The following PSD3 variants were observed in gnomAD, a reference collection of about 807,000 sequenced individuals.
PSD3 encodes the protein pleckstrin and Sec7 domain containing 3, also known as PH and SEC7 domain-containing protein 3.
In PSD3, 49 loss-of-function variants were observed where a neutral mutation model predicts 105.5. The ratio of observed to expected loss-of-function variants is 0.46; its 90% CI spans 0.37 to 0.59. The LOEUF (loss-of-function observed/expected upper bound fraction) is 0.59. Among genes scored for constraint, PSD3 ranks in the 20% least tolerant of loss-of-function variants. The probability of loss-of-function intolerance (pLI) is 0.00; values close to 1 mark genes in which losing one functional copy is unlikely to be tolerated. For missense variants in PSD3, 1,561 were observed against 1,263.8 expected, an observed-to-expected ratio of 1.24 and a Z score of -3.57; for synonymous variants, 557 against 457.8, an observed-to-expected ratio of 1.22 and a Z score of -2.77.
At chr8:18,661,730 C>T (rs146033238) in intron 9 of PSD3, among the ~76,000 whole-genome samples, 26 of 152,164 alleles carry the variant, frequency 1.7e-4, no homozygotes, top group African/African-American at 5.1e-4. Flanking sequence ...AATTGTTAAG[C>T]AGAGATGCAA....
chr8:18,938,980 A>G (rs1304522907), intron 1 of PSD3, among the ~76,000 whole-genome samples: 1 of 152,134 alleles, frequency 6.6e-6, no homozygotes, highest in Non-Finnish European at 1.5e-5. Flanking sequence ...TCAAGAGCCT[A>G]CACTGGGGCT....
intron 9 of PSD3, among the ~76,000 whole-genome samples, chr8:18,739,655 AT>A (rs1474300295): frequency 3.9e-5 from 6 of 152,346 alleles, no homozygotes; most frequent in South Asian, 2.1e-4. Flanking sequence ...TAGCAAAAAA[AT>A]AAACCACATT....
At chr8:18,575,825 C>T (rs994140801) in intron 12 of PSD3, among the ~76,000 whole-genome samples, 3 of 152,050 alleles carry the variant, frequency 2.0e-5, no homozygotes, top group Non-Finnish European at 2.9e-5. Context: ...ATAATTACTC[C>T]AGCTCTTCTG....
At chr8:18,930,253 T>C (rs1821653338) in intron 2 of PSD3, among the ~76,000 whole-genome samples, 1 of 152,040 alleles carries the variant, frequency 6.6e-6, no homozygotes, top group Admixed American at 6.6e-5. Flanking sequence ...ACAGGTGAGA[T>C]CTCAAAGGTC....
intron 9 of PSD3, among the ~76,000 whole-genome samples, chr8:18,686,031 A>G (rs1800644200): frequency 6.6e-6 from 1 of 152,128 alleles, no homozygotes; most frequent in Non-Finnish European, 1.5e-5. Flanking sequence ...TAAAAAACAA[A>G]CAAACAAACA....
Position 18,654,249 on chromosome 8 carries a change from A to G in PSD3, c.2216+1393T>C, listed in dbSNP as rs556024326. Among the ~76,000 whole-genome samples, 3 of 152,304 alleles carry G rather than the reference A, an allele frequency of 2.0e-5. No homozygotes were observed. In the East Asian group the frequency reaches 5.8e-4, roughly 29 times the overall value. On this transcript the variant is annotated intron_variant, in intron 10 of 15. Transcript: ENST00000327040. ...CAATTCAAGTGGTGCTGATACTTCAAAAATAAATTCCTGCACATTATATGT... is the reference window on the plus strand; with the variant it reads ...CAATTCAAGTGGTGCTGATACTTCAGAAATAAATTCCTGCACATTATATGT...
chr8:18,613,033 T>A (rs1048912787), intron 11 of PSD3, among the ~76,000 whole-genome samples: 2 of 151,320 alleles, frequency 1.3e-5, no homozygotes, highest in Admixed American at 6.6e-5. Context: ...CACAAGAGCA[T>A]GCATCATTAG....
chr8:18,577,222 A>G (rs560924663), intron 12 of PSD3, among the ~76,000 whole-genome samples: 70 of 152,128 alleles, frequency 4.6e-4, no homozygotes, highest in African/African-American at 1.6e-3. Context: ...TTTTAGTTAT[A>G]TATTATTAGA....
intron 12 of PSD3, among the ~76,000 whole-genome samples, chr8:18,576,711 T>C (rs1209490408): frequency 1.3e-5 from 2 of 152,072 alleles, no homozygotes; most frequent in Admixed American, 6.6e-5. Context: ...CTCCACGCAG[T>C]GTAACTTAGA....
At chr8:18,873,962 A>G (rs567381262) in intron 2 of PSD3, among the ~76,000 whole-genome samples, 96 of 152,320 alleles carry the variant, frequency 6.3e-4, no homozygotes, top group Non-Finnish European at 1.3e-3. Flanking sequence ...AAATGGGGAC[A>G]TTCTGACAAA....
chr8:18,804,875 C>G lies in PSD3; in HGVS notation c.1658G>C (p.Arg553Pro), dbSNP rs373536749. The G allele has an allele frequency of 5.6e-5, 91 of 1,611,690 alleles. No individual in the cohort carries two copies. Among genetic ancestry groups the G allele is most frequent in the Non-Finnish European group, 7.4e-5 (87 of 1,178,358 alleles). The change falls in exon 5 of 16, where the codon CGG becomes CCG. Residue 553 changes from arginine (R) to proline (P), a missense_variant. Arg to Pro is a moderately radical substitution (Grantham distance 103). Coordinates refer to ENST00000327040, the MANE Select transcript of PSD3 (RefSeq NM_015310.4). ...WGSNAGVKTTRLEAHSEMGST... is the reference protein window; with the variant it reads ...WGSNAGVKTTPLEAHSEMGST... The stretch of plus-strand genomic sequence containing the variant: ...CCCCATTTCAGAATGAGCTTCTAGC[C>G]GTGTTGTTTTCACCCCAGCATTGCT...
chr8:18,816,850 T>C (rs1310867622), intron 4 of PSD3, among the ~76,000 whole-genome samples: 1 of 94,468 alleles, frequency 1.1e-5, no homozygotes, highest in Non-Finnish European at 2.4e-5. Flanking sequence ...GAGTTTACAC[T>C]CAGACAGTGA....
intron 9 of PSD3, chr8:18,763,162 C>T (rs1196862377): frequency 2.4e-6 from 1 of 410,472 alleles, no homozygotes; most frequent in Non-Finnish European, 4.9e-6. Context: ...ACTTTTGAAC[C>T]AAATTAATCT....
chr8:18,901,490 T>C (rs1487514513), intron 2 of PSD3, among the ~76,000 whole-genome samples: 1 of 152,220 alleles, frequency 6.6e-6, no homozygotes, highest in Non-Finnish European at 1.5e-5. Flanking sequence ...AAGTTGTTTG[T>C]ATATCCTTTG....
At chr8:18,837,278 G>T (rs1253114694) in intron 4 of PSD3, among the ~76,000 whole-genome samples, 1 of 152,122 alleles carries the variant, frequency 6.6e-6, no homozygotes, top group Non-Finnish European at 1.5e-5. Flanking sequence ...TGTAGACCAG[G>T]GGCCAGCTCT....
In PSD3 at chr8:18,527,734, C is replaced by T. The variant is rs1265320489; in HGVS notation, c.*8009G>A. 8 of 152,560 alleles carry T rather than the reference C, an allele frequency of 5.2e-5. No homozygotes were observed. The highest frequency in any genetic ancestry group is 1.2e-4 in the Non-Finnish European group (8 of 68,026). The allele number at this position is 152,560 out of a possible 1,614,324, so 9.5% of individuals were successfully genotyped here. On this transcript the variant is annotated 3_prime_UTR_variant, in exon 16 of 16. Transcript: ENST00000327040. ...CCTTTCAAAAGAAGACCACCACAAACGCCATCGTTTTCTAGAAGACGGCAT... is the reference window on the plus strand; with the variant it reads ...CCTTTCAAAAGAAGACCACCACAAATGCCATCGTTTTCTAGAAGACGGCAT...
chr8:18,685,415 ATT>A (rs755644311), intron 9 of PSD3, among the ~76,000 whole-genome samples: 3 of 142,568 alleles, frequency 2.1e-5, no homozygotes, highest in African/African-American at 7.7e-5. Flanking sequence ...TATCCTTTAC[ATT>A]TTTTTTTTTT....
At position 19,045,599 on chromosome 8, in the gene PSD3, T is replaced by C. The variant is rs1160750816; in HGVS notation, c.324+38607A>G. Among the ~76,000 whole-genome samples, 4 of 152,354 alleles carry C rather than the reference T, an allele frequency of 2.6e-5. No homozygotes were observed. In the East Asian group the frequency reaches 7.7e-4, roughly 29 times the overall value. On this transcript the variant is annotated intron_variant, in intron 1 of 1. Transcript: ENST00000521475. ...CAAGTGATTAGGAAATTCTTTGCTC[T>C]GGCAAAGATTAGATCTCTTTACAGA...
At chr8:18,776,361 T>A (rs993657395) in intron 8 of PSD3, among the ~76,000 whole-genome samples, 14 of 143,554 alleles carry the variant, frequency 9.8e-5, no homozygotes, top group African/African-American at 1.6e-4. Context: ...AATATATATA[T>A]CTAAATATAT....
Sources: allele counts gnomAD v4.1 joint callset (sites outside exome capture counted in the v4.1 genomes callset), GRCh38; gene constraint gnomAD v4.1.1; transcripts MANE v1.5; gene names NCBI Gene and HGNC (gene_info 2026-07-23, HGNC 2026-07-21).